Variants in SLC8A1 observed in about 807,000 individuals in gnomAD.
SLC8A1 encodes the protein solute carrier family 8 member A1, also known as sodium/calcium exchanger 1.
SLC8A1 carries 18 observed loss-of-function variants against 68.3 expected under a neutral mutation model. The observed-to-expected ratio is 0.26, with a 90% CI of 0.18 to 0.39. The LOEUF is 0.39. Ranked by LOEUF, SLC8A1 falls within the 10% of genes least tolerant of loss-of-function variation. The pLI, the probability that SLC8A1 is intolerant of heterozygous loss-of-function variation, is 1.00. For missense variants in SLC8A1, 985 were observed against 1,156.7 expected, an observed-to-expected ratio of 0.85 and a Z score of 2.15; for synonymous variants, 475 against 415.5, an observed-to-expected ratio of 1.14 and a Z score of -1.74.
rs146714420 is a variant in SLC8A1 at position 40,209,034 on chromosome 2, G to C, written c.1809-31179C>G. ...TGTTCTGAGAACTAGCTACAGATCA[G>C]TGAAACAAAAGAAGAAAAAAAAAAT... is the stretch of plus-strand genomic sequence containing the variant. On this transcript the variant is annotated intron_variant, in intron 2 of 7. Coordinates refer to ENST00000406785, the Ensembl canonical transcript of SLC8A1. The C allele has an allele frequency of 2.6e-5, 4 of 152,078 alleles. No individual in the cohort carries two copies. The East Asian group carries it at 5.8e-4, about 22-fold the overall frequency. 9.4% of individuals were successfully genotyped at this position (152,078 alleles called of 1,614,324 possible).
At chr2:40,412,013 T>C (rs35923316) in intron 2 of SLC8A1, among the ~76,000 whole-genome samples, 7,526 of 152,228 alleles carry the variant, frequency 0.049, 356 homozygotes, top group East Asian at 0.25. Flanking sequence ...AAAAATTTAC[T>C]TTGTTTTTAT....
At chr2:40,499,548 G>A (rs76900622) in intron 1 of SLC8A1, among the ~76,000 whole-genome samples, 2,237 of 152,130 alleles carry the variant, frequency 0.015, 32 homozygotes, top group Non-Finnish European at 0.024. Context: ...AAAAAGTATT[G>A]GTCATTTGTA....
At chr2:40,445,103 T>C (rs1283481426) in intron 1 of SLC8A1, among the ~76,000 whole-genome samples, 1 of 152,210 alleles carries the variant, frequency 6.6e-6, no homozygotes, top group Non-Finnish European at 1.5e-5. Flanking sequence ...ATTTTACTAA[T>C]ATTAATTTAT....
chr2:40,453,041 G>A (rs991077968), upstream of SLC8A1: 10 of 152,116 alleles, frequency 6.6e-5, no homozygotes, highest in African/African-American at 1.4e-4. Context: ...CACTGCACCA[G>A]GCCTTTCCTC....
chr2:40,323,845 T>C (rs1015408092), intron 2 of SLC8A1, among the ~76,000 whole-genome samples: 13 of 152,144 alleles, frequency 8.5e-5, no homozygotes, highest in Non-Finnish European at 1.6e-4. Flanking sequence ...AAGGTATCTA[T>C]TTCACTTATG....
chr2:40,298,769 T>A (rs1419038349), intron 2 of SLC8A1, among the ~76,000 whole-genome samples: 1 of 152,140 alleles, frequency 6.6e-6, no homozygotes, highest in African/African-American at 2.4e-5. Context: ...GCTTATAGGA[T>A]TTTAAATATA....
At chr2:40,316,150 A>T (rs1559212123) in intron 2 of SLC8A1, among the ~76,000 whole-genome samples, 1 of 152,060 alleles carries the variant, frequency 6.6e-6, no homozygotes, top group Non-Finnish European at 1.5e-5. Context: ...AGAAAGTGTC[A>T]ATTGGTTGTG....
chr2:40,511,639 T>A (rs963062638), intron 1 of SLC8A1, among the ~76,000 whole-genome samples: 5 of 152,066 alleles, frequency 3.3e-5, no homozygotes, highest in Admixed American at 1.3e-4. Flanking sequence ...AAAACGATAA[T>A]AATCTTTGGA....
At chr2:40,490,138 A>G (rs1705220992) in intron 1 of SLC8A1, among the ~76,000 whole-genome samples, 1 of 152,100 alleles carries the variant, frequency 6.6e-6, no homozygotes, top group Non-Finnish European at 1.5e-5. Context: ...TATCTTACTT[A>G]TTTTCAAGGA....
rs567339255 is a variant in SLC8A1 at position 40,475,883 on chromosome 2, CA to C, written c.-25+36465del. Reference sequence around the variant, plus strand: ...TCCTATTTTCAGTACTATTTTCCCCCAAAAAACATAACTTTCTATGATGCAT... The same window carrying C: ...TCCTATTTTCAGTACTATTTTCCCCCAAAAACATAACTTTCTATGATGCAT... On this transcript the variant is annotated intron_variant, in intron 1 of 7. Coordinates refer to the SLC8A1 transcript ENST00000402441. 1.6e-4 allele frequency among the ~76,000 whole-genome samples: 24 copies of C among 152,010 alleles called. No individual in the cohort carries two copies. The South Asian group carries it at 4.8e-3, about 30-fold the overall frequency.
chr2:40,494,923 C>G (rs942969670), intron 1 of SLC8A1, among the ~76,000 whole-genome samples: 1 of 151,214 alleles, frequency 6.6e-6, no homozygotes, highest in Non-Finnish European at 1.5e-5. Flanking sequence ...CCCCTATAAC[C>G]CTAAACCTAG....
chr2:40,307,178 T>TAC (rs145712934), intron 2 of SLC8A1, among the ~76,000 whole-genome samples: 3,762 of 108,920 alleles, frequency 0.035, 168 homozygotes, highest in African/African-American at 0.13. Flanking sequence ...CACAAACACA[T>TAC]ACACACACAC....
intron 2 of SLC8A1, among the ~76,000 whole-genome samples, chr2:40,194,897 C>G (rs775894142): frequency 3.9e-5 from 6 of 151,980 alleles, no homozygotes; most frequent in Non-Finnish European, 8.8e-5. Flanking sequence ...GATGGAAGGT[C>G]CATTCCGAAG....
intron 2 of SLC8A1, among the ~76,000 whole-genome samples, chr2:40,269,888 T>A (rs2065814673): frequency 6.6e-6 from 1 of 152,012 alleles, no homozygotes; most frequent in Non-Finnish European, 1.5e-5. Context: ...TAAGCAGAGA[T>A]ATAGAAAGGT....
chr2:40,382,162 C>T (rs1332354555), intron 2 of SLC8A1, among the ~76,000 whole-genome samples: 1 of 152,074 alleles, frequency 6.6e-6, no homozygotes, highest in Non-Finnish European at 1.5e-5. Context: ...CTTTACATAT[C>T]TTCTTCACTA....
chr2:40,408,350 G>C (rs577570221), intron 2 of SLC8A1, among the ~76,000 whole-genome samples: 1 of 152,152 alleles, frequency 6.6e-6, no homozygotes, highest in Non-Finnish European at 1.5e-5. Flanking sequence ...TGATAAATTA[G>C]CTTAGACTGT....
intron 6 of SLC8A1, among the ~76,000 whole-genome samples, chr2:40,144,199 C>G (rs980560360): frequency 6.6e-6 from 1 of 152,140 alleles, no homozygotes; most frequent in Non-Finnish European, 1.5e-5. Flanking sequence ...TTTCCCCAAG[C>G]TGCTTGCTTT....
intron 2 of SLC8A1, among the ~76,000 whole-genome samples, chr2:40,178,962 T>C (rs1001648927): frequency 1.3e-5 from 2 of 152,228 alleles, no homozygotes; most frequent in African/African-American, 4.8e-5. Flanking sequence ...TTTCCTTCAC[T>C]GTGCTTTATT....
At chr2:40,214,946 A>T (rs2148802357) in intron 2 of SLC8A1, among the ~76,000 whole-genome samples, 1 of 152,192 alleles carries the variant, frequency 6.6e-6, no homozygotes, top group African/African-American at 2.4e-5. Flanking sequence ...ATTTTACCGG[A>T]TCAATTCTCA....
Sources: gnomAD v4.1 joint callset for allele counts (sites outside exome capture counted in the v4.1 genomes callset) on GRCh38, gnomAD v4.1.1 for gene constraint, MANE v1.5 for transcripts, NCBI Gene and HGNC (gene_info 2026-07-23, HGNC 2026-07-21) for gene names.